PDE1C: variants seen among roughly 807,000 people sequenced by gnomAD.
PDE1C encodes the protein dual specificity calcium/calmodulin-dependent 3',5'-cyclic nucleotide phosphodiesterase 1C.
A neutral mutation model predicts 93.1 loss-of-function variants in PDE1C; 62 were observed. The ratio of observed to expected loss-of-function variants is 0.67; its 90% CI spans 0.54 to 0.82. The LOEUF (loss-of-function observed/expected upper bound fraction) is 0.82, where lower values mean the gene tolerates loss of function less well. PDE1C is among the 40% of genes least tolerant of loss of function. The pLI, the probability that PDE1C is intolerant of heterozygous loss-of-function variation, is 0.00. For missense variants in PDE1C, 742 were observed against 884.6 expected (o/e 0.84, Z 2.04); for synonymous variants, 325 against 310.1 (o/e 1.05, Z -0.50).
At chr7:32,170,032 G>C in intron 2 of PDE1C, 1 of 1,302,242 alleles carries the variant, frequency 7.7e-7, no homozygotes, top group Non-Finnish European at 1.1e-6. Flanking sequence ...CCCAACTCAG[G>C]ATCTTCCAAA....
intron 2 of PDE1C, among the ~76,000 whole-genome samples, chr7:31,984,177 G>A (rs1783069453): frequency 6.6e-6 from 1 of 152,152 alleles, no homozygotes; most frequent in East Asian, 1.9e-4. Context: ...GACAGCAGGA[G>A]GTGAGCAGCT....
chr7:32,391,940 C>A (rs887472309), intron 1 of PDE1C, among the ~76,000 whole-genome samples: 5 of 151,672 alleles, frequency 3.3e-5, no homozygotes, highest in Non-Finnish European at 7.4e-5. Flanking sequence ...CTAGAAAGAG[C>A]AGGCAAAACA....
chr7:32,099,364 G>T (rs1227451368), intron 3 of PDE1C, among the ~76,000 whole-genome samples: 4 of 152,150 alleles, frequency 2.6e-5, no homozygotes, highest in African/African-American at 4.8e-5. Flanking sequence ...TTACTTCTAA[G>T]AATTTCCAAT....
At chr7:32,036,872 C>T (rs186192780) in intron 2 of PDE1C, among the ~76,000 whole-genome samples, 17 of 152,286 alleles carry the variant, frequency 1.1e-4, no homozygotes, top group Admixed American at 3.9e-4. Flanking sequence ...ATCCACAGCT[C>T]TCACTCGGAC....
chr7:32,375,118 G>T (rs1784413173), intron 1 of PDE1C, among the ~76,000 whole-genome samples: 1 of 152,206 alleles, frequency 6.6e-6, no homozygotes, highest in African/African-American at 2.4e-5. Context: ...GCTACTAGCA[G>T]CCAGTTGTTA....
At chr7:31,628,899 C>A in the PDE1C span, among the ~76,000 whole-genome samples, 1 of 152,144 alleles carries the variant, frequency 6.6e-6, no homozygotes, top group Admixed American at 6.5e-5. Context: ...GTGGACTCAA[C>A]AAGGACAATG....
At chr7:32,028,887 G>T (rs535701325) in intron 2 of PDE1C, among the ~76,000 whole-genome samples, 4 of 151,956 alleles carry the variant, frequency 2.6e-5, no homozygotes, top group African/African-American at 9.6e-5. Context: ...TCTATTATCT[G>T]CTTCTATGAG....
the PDE1C span, among the ~76,000 whole-genome samples, chr7:31,631,136 A>G: frequency 6.6e-6 from 1 of 152,204 alleles, no homozygotes; most frequent in Non-Finnish European, 1.5e-5. Context: ...CTCTTTTAAC[A>G]TTATAAGAAA....
At chr7:31,760,489 A>G (rs1428773735) in intron 17 of PDE1C, among the ~76,000 whole-genome samples, 4 of 151,968 alleles carry the variant, frequency 2.6e-5, no homozygotes, top group Non-Finnish European at 5.9e-5. Flanking sequence ...CTTTCAATCC[A>G]CTGTGACTTC....
At chr7:32,370,783 TAATAATA>T (rs1460807512) in intron 1 of PDE1C, among the ~76,000 whole-genome samples, 1 of 51,112 alleles carries the variant, frequency 2.0e-5, no homozygotes, top group African/African-American at 4.5e-5. Context: ...ACTTAAAGTA[TAATAATA>T]AATAAATAAA....
In PDE1C at chr7:31,751,193, C is replaced by G. The variant is rs1369970448; in HGVS notation, c.*2191G>C. Reference sequence around the variant, plus strand: ...ATACAAGAAAGTCTGTTAAAAGCATCTTTTTATTTGCTGTAAGAATATAAT... The same window carrying G: ...ATACAAGAAAGTCTGTTAAAAGCATGTTTTTATTTGCTGTAAGAATATAAT... On this transcript the variant is annotated 3_prime_UTR_variant, in exon 18 of 18. Transcript: ENST00000396191. 6.6e-6 allele frequency: 1 copy of G among 152,102 alleles called. No individual in the cohort carries two copies. The highest frequency in any genetic ancestry group is 2.1e-4 in the South Asian group (1 of 4,822). The allele number at this position is 152,102 out of a possible 1,614,324, so 9.4% of individuals were successfully genotyped here. A position where few individuals can be genotyped will look rare whatever the true frequency, so the allele number is the denominator to read the frequency against.
chr7:32,175,044 G>A (rs926446326), intron 2 of PDE1C, among the ~76,000 whole-genome samples: 2 of 151,982 alleles, frequency 1.3e-5, no homozygotes, highest in Non-Finnish European at 2.9e-5. Context: ...CTACATTAAG[G>A]GCTCCCAAAT....
At chr7:32,339,070 A>G (rs1037153543) in intron 1 of PDE1C, among the ~76,000 whole-genome samples, 2 of 151,916 alleles carry the variant, frequency 1.3e-5, no homozygotes, top group African/African-American at 2.4e-5. Context: ...TAAGCTAAGT[A>G]TTCATCAACA....
At chr7:31,891,670 G>A (rs184577463) in intron 2 of PDE1C, among the ~76,000 whole-genome samples, 150 of 152,192 alleles carry the variant, frequency 9.9e-4, no homozygotes, top group African/African-American at 3.5e-3. Flanking sequence ...TTGGAGAGAA[G>A]GGAGAGGAAG....
At chr7:31,657,650 C>T in the PDE1C span, among the ~76,000 whole-genome samples, 1 of 152,138 alleles carries the variant, frequency 6.6e-6, no homozygotes, top group African/African-American at 2.4e-5. Flanking sequence ...TCTTACTATT[C>T]CATTATCAAG....
chr7:31,928,184 A>G (rs1200664424), intron 2 of PDE1C, among the ~76,000 whole-genome samples: 3 of 152,038 alleles, frequency 2.0e-5, no homozygotes, highest in Non-Finnish European at 4.4e-5. Flanking sequence ...GGAAGAAAGG[A>G]TATCAGAGAT....
At chr7:31,703,970 G>A in the PDE1C span, among the ~76,000 whole-genome samples, 1 of 152,184 alleles carries the variant, frequency 6.6e-6, no homozygotes, top group Non-Finnish European at 1.5e-5. Flanking sequence ...CTGCATGGCA[G>A]AAAGCATTGG....
intron 1 of PDE1C, among the ~76,000 whole-genome samples, chr7:32,415,302 T>C (rs1455009940): frequency 6.6e-6 from 1 of 151,970 alleles, no homozygotes; most frequent in African/African-American, 2.4e-5. Flanking sequence ...AATTCAAAAA[T>C]TAGCCAGGCA....
intron 15 of PDE1C, among the ~76,000 whole-genome samples, chr7:31,813,763 C>T (rs777823410): frequency 1.3e-5 from 2 of 151,942 alleles, no homozygotes; most frequent in South Asian, 2.1e-4. Flanking sequence ...ATCACCTGAG[C>T]GGTATACGCT....
Sources: allele counts gnomAD v4.1 joint callset (sites outside exome capture counted in the v4.1 genomes callset), GRCh38; gene constraint gnomAD v4.1.1; transcripts MANE v1.5; gene names NCBI Gene and HGNC (gene_info 2026-07-23, HGNC 2026-07-21).